Variants in PRKCH observed in about 807,000 individuals in gnomAD.
PRKCH encodes the protein protein kinase C eta type.
A neutral mutation model predicts 82.5 loss-of-function variants in PRKCH; 28 were observed. That is an observed-to-expected ratio of 0.34 (90% CI 0.25 to 0.47). The LOEUF (loss-of-function observed/expected upper bound fraction) is 0.47, where lower values mean the gene tolerates loss of function less well. Ranked by LOEUF, PRKCH falls within the 20% of genes least tolerant of loss-of-function variation. The pLI, the probability that PRKCH is intolerant of heterozygous loss-of-function variation, is 1.00. For synonymous variants in PRKCH, 322 were observed against 327.4 expected (o/e 0.98, Z 0.18); for missense variants, 705 against 881.8 (o/e 0.80, Z 2.54).
At chr14:61,529,359 C>T in intron 11 of PRKCH, 146 bp downstream of exon 11, 1 of 865,250 alleles carries the variant, frequency 1.2e-6, no homozygotes, top group Non-Finnish European at 1.6e-6. Flanking sequence ...TCATTTATGG[C>T]TCATTGGGTG....
At chr14:61,415,217 C>T (rs12884631) in intron 2 of PRKCH, among the ~76,000 whole-genome samples, 2,208 of 152,308 alleles carry the variant, frequency 0.014, 20 homozygotes, top group Non-Finnish European at 0.024. Flanking sequence ...AACTTAAAAG[C>T]AATTTGAAGT....
intron 1 of PRKCH, among the ~76,000 whole-genome samples, chr14:61,287,306 G>C (rs1182808954): frequency 1.3e-5 from 2 of 150,346 alleles, no homozygotes; most frequent in Non-Finnish European, 3.0e-5. Context: ...TGTGCTTGGT[G>C]AGTTGGCAGG....
At position 61,189,654 on chromosome 14, in the gene PRKCH, T is replaced by C. The variant is rs78414352; in HGVS notation, c.-19+1986T>C. Among the ~76,000 whole-genome samples the C allele has an allele frequency of 8.2e-3, 1,247 of 152,018 alleles. 13 individuals carry two copies. Among genetic ancestry groups the C allele is most frequent in the African/African-American group, 0.028 (1,181 of 41,460 alleles). ...TTCTCTCTGTCTTCCTACCTTCCTT[T>C]CTTTTTGGTTGAGTGTATGTTACTT... is the stretch of plus-strand genomic sequence containing the variant. On this transcript the variant is annotated intron_variant, in intron 1 of 3. Transcript: ENST00000555185.
chr14:61,251,747 G>C (rs1158692616), intron 1 of PRKCH, among the ~76,000 whole-genome samples: 1 of 152,096 alleles, frequency 6.6e-6, no homozygotes, highest in African/African-American at 2.4e-5. Flanking sequence ...CCATAGGGTA[G>C]CTCTATTTTT....
intron 2 of PRKCH, among the ~76,000 whole-genome samples, chr14:61,436,068 G>C (rs1002503611): frequency 4.6e-5 from 7 of 152,174 alleles, no homozygotes; most frequent in African/African-American, 1.7e-4. Context: ...CTCCCATCCT[G>C]ATGTGGCAAG....
chr14:61,322,494 T>A (rs2045640480), intron 1 of PRKCH, 30 bp downstream of exon 1: 2 of 1,573,988 alleles, frequency 1.3e-6, no homozygotes, highest in South Asian at 2.3e-5. Flanking sequence ...TCCCTTTGTG[T>A]CCACCCAACC....
In PRKCH at chr14:61,246,764, T is replaced by C. The variant is rs532963612; in HGVS notation, c.-19+59096T>C. Among the ~76,000 whole-genome samples the C allele has an allele frequency of 2.0e-5, 3 of 152,264 alleles. No homozygotes were observed. The East Asian group carries it at 5.8e-4, about 29-fold the overall frequency. ...TGTGTGTGTATTTATTTATTTATTATTTTTATAGAGACAGAGTCTCCCTAT... is the reference window on the plus strand; with the variant it reads ...TGTGTGTGTATTTATTTATTTATTACTTTTATAGAGACAGAGTCTCCCTAT... On this transcript the variant is annotated intron_variant, in intron 1 of 3. Coordinates refer to the PRKCH transcript ENST00000555185.
chr14:61,444,003 T>G (rs1178345867), intron 3 of PRKCH, among the ~76,000 whole-genome samples: 5 of 152,238 alleles, frequency 3.3e-5, no homozygotes, highest in Non-Finnish European at 5.9e-5. Context: ...GAGATCTATA[T>G]TTTTGTTGTC....
At chr14:61,538,935 C>T (rs957740789) in intron 12 of PRKCH, among the ~76,000 whole-genome samples, 1 of 152,212 alleles carries the variant, frequency 6.6e-6, no homozygotes, top group African/African-American at 2.4e-5. Context: ...TTGTTCAGCA[C>T]TCACTTCTCT....
intron 2 of PRKCH, chr14:61,442,870 C>G (rs978301326): frequency 2.8e-6 from 1 of 354,230 alleles, no homozygotes; most frequent in Non-Finnish European, 5.2e-6. Flanking sequence ...CCTGAGAGTT[C>G]AAGGCTGCAG....
At chr14:61,451,007 T>C in intron 6 of PRKCH, 36 bp downstream of exon 6, 2 of 1,608,796 alleles carry the variant, frequency 1.2e-6, no homozygotes, top group Non-Finnish European at 1.7e-6. Context: ...CACCTCTTCA[T>C]GGGAACACTA....
chr14:61,434,915 A>G (rs1425887420), intron 2 of PRKCH, among the ~76,000 whole-genome samples: 2 of 152,170 alleles, frequency 1.3e-5, no homozygotes, highest in African/African-American at 4.8e-5. Flanking sequence ...AGAAATCAGG[A>G]CCAGGGTAAA....
intron 1 of PRKCH, chr14:61,281,465 A>T (rs1197668410): frequency 9.0e-6 from 2 of 222,608 alleles, no homozygotes; most frequent in East Asian, 2.2e-4. Flanking sequence ...TGGTAGACTC[A>T]GTCTCGCGTT....
intron 1 of PRKCH, among the ~76,000 whole-genome samples, chr14:61,235,878 G>A (rs1196894248): frequency 6.6e-6 from 1 of 152,160 alleles, no homozygotes; most frequent in Non-Finnish European, 1.5e-5. Flanking sequence ...AAACAGGAGT[G>A]TAAACTAAAA....
At chr14:61,281,142 G>A in intron 1 of PRKCH, 9 of 1,350,592 alleles carry the variant, frequency 6.7e-6, no homozygotes, top group Non-Finnish European at 8.5e-6. Context: ...TGGCGCTCCA[G>A]GTCATGGCGG....
intron 1 of PRKCH, among the ~76,000 whole-genome samples, chr14:61,274,756 T>C (rs2045187881): frequency 1.3e-5 from 2 of 152,130 alleles, no homozygotes. Context: ...GAAGTTACAG[T>C]ACCTATAGGG....
intron 12 of PRKCH, chr14:61,545,332 C>T (rs2043241293): frequency 6.6e-6 from 1 of 152,242 alleles, no homozygotes. Flanking sequence ...CGTGCCTCTT[C>T]CAAGCTCTCA....
intron 1 of PRKCH, among the ~76,000 whole-genome samples, chr14:61,295,604 G>A (rs539614209): frequency 1.6e-4 from 25 of 152,358 alleles, no homozygotes; most frequent in African/African-American, 6.0e-4. Context: ...CGAATCCAGT[G>A]CCTGGCACAA....
rs201776358 is a variant in PRKCH, at chr14:61,454,089, C to CT, written c.960+746dup. ...AAGAAGGACTTTTTTCCTTTCTTTC[C>CT]TTTTTTTTTTCTTTTTTCTTTTTTC... On this transcript the variant is annotated intron_variant, in intron 7 of 13. Transcript: ENST00000332981. Among the ~76,000 whole-genome samples the CT allele has an allele frequency of 1.4e-3, 203 of 148,434 alleles. 3 individuals carry two copies. The highest frequency in any genetic ancestry group is 3.5e-3 in the African/African-American group (141 of 40,634).
Sources: gnomAD v4.1 joint callset for allele counts (sites outside exome capture counted in the v4.1 genomes callset) on GRCh38, gnomAD v4.1.1 for gene constraint, MANE v1.5 for transcripts, NCBI Gene and HGNC (gene_info 2026-07-23, HGNC 2026-07-21) for gene names.